Variants in RUSC2 observed in about 807,000 individuals in gnomAD.
RUSC2 encodes the protein RUN and SH3 domain containing 2.
Under a neutral mutation model 122.2 loss-of-function variants are expected in RUSC2, and 34 were observed. The observed-to-expected ratio is 0.28, with a 90% CI of 0.21 to 0.37. RUSC2 has a LOEUF of 0.37. Ranked by LOEUF, RUSC2 falls within the 10% of genes least tolerant of loss-of-function variation. The probability of loss-of-function intolerance (pLI) is 1.00; values close to 1 mark genes in which losing one functional copy is unlikely to be tolerated. For missense variants in RUSC2, 1,747 were observed against 1,952.4 expected, an observed-to-expected ratio of 0.89 and a Z score of 1.98; for synonymous variants, 784 against 790.0, an observed-to-expected ratio of 0.99 and a Z score of 0.13.
chr9:35,494,614 C>A (rs1471244546), intron 1 of RUSC2, among the ~76,000 whole-genome samples: 1 of 151,834 alleles, frequency 6.6e-6, no homozygotes, highest in African/African-American at 2.4e-5. Flanking sequence ...AATGCCTATT[C>A]AAGTCCTTTG....
Position 35,509,586 on chromosome 9 carries a change from C to T in RUSC2, c.-93+19414C>T, listed in dbSNP as rs149957774. Reference sequence around the variant, plus strand: ...CTTACAGGGGGACAAAGAACAAAGCCGTGAAGAAAAGTTAAAGAATTTGAG... The same window carrying T: ...CTTACAGGGGGACAAAGAACAAAGCTGTGAAGAAAAGTTAAAGAATTTGAG... On this transcript the variant is annotated intron_variant, in intron 1 of 11. Transcript: ENST00000361226. Among the ~76,000 whole-genome samples the T allele has an allele frequency of 1.7e-3, 256 of 152,090 alleles. 2 individuals are homozygous for T. In the East Asian group the frequency reaches 0.02, roughly 12 times the overall value.
chr9:35,548,383 T>G lies in RUSC2; in HGVS notation c.1862T>G (p.Val621Gly). Residue 621 changes from valine to glycine, a missense_variant, in exon 2 of 12, where the codon GTC becomes GGC. Val to Gly is a moderately radical substitution (Grantham distance 109). Transcript: ENST00000361226. The surrounding 1 kb of genome is among the most constrained non-coding windows in gnomAD (Gnocchi z 4.5). The part of the protein sequence containing the change: ...PDPSPPWSTQ[V>G]CQGPHSSEMP... ...CCAAGTCCACCCTGGTCCACCCAGG[T>G]CTGTCAGGGACCCCACTCCAGTGAG... 1 of 1,613,980 alleles carries G rather than the reference T, an allele frequency of 6.2e-7. No individual in the cohort carries two copies. The highest frequency in any genetic ancestry group is 8.5e-7 in the Non-Finnish European group (1 of 1,180,000).
At chr9:35,524,630 T>C (rs2132521697) in intron 1 of RUSC2, among the ~76,000 whole-genome samples, 1 of 152,316 alleles carries the variant, frequency 6.6e-6, no homozygotes, top group Non-Finnish European at 1.5e-5. Flanking sequence ...TCCTATTTTA[T>C]GTTTTTGTTG....
chr9:35,539,556 C>T (rs1199898795), intron 1 of RUSC2, among the ~76,000 whole-genome samples: 1 of 123,810 alleles, frequency 8.1e-6, no homozygotes, highest in East Asian at 2.1e-4. Flanking sequence ...TCTCCACACA[C>T]ACACATACAT....
chr9:35,549,699 CCACAAAGG>C (rs1173568759), intron 2 of RUSC2, among the ~76,000 whole-genome samples: 4 of 152,198 alleles, frequency 2.6e-5, no homozygotes, highest in Non-Finnish European at 5.9e-5. Flanking sequence ...CTGTACAAAA[CCACAAAGG>C]CACAGAATAG....
intron 2 of RUSC2, among the ~76,000 whole-genome samples, chr9:35,554,360 G>A (rs1334108279): frequency 1.3e-5 from 2 of 152,216 alleles, no homozygotes; most frequent in African/African-American, 4.8e-5. Flanking sequence ...TGCCAGGATC[G>A]TGAAAAGAGT....
At chr9:35,517,620 CT>C (rs1821132779) in intron 1 of RUSC2, among the ~76,000 whole-genome samples, 2 of 152,068 alleles carry the variant, frequency 1.3e-5, no homozygotes, top group South Asian at 4.1e-4. Flanking sequence ...AAATTAATAC[CT>C]TATGTCTAGG....
At position 35,556,092 on chromosome 9, in the gene RUSC2, C is replaced by T. The variant is rs367982196; in HGVS notation, c.2797C>T (p.Pro933Ser). ...CCGAAGAAACCCTATCTTTGAGTTC[C>T]CTGGCTCCCTCAGTGCTGCCAGCCA... Reference protein sequence around the residue: ...LARRNPIFEFPGSLSAASHLN... With the variant: ...LARRNPIFEFSGSLSAASHLN... Residue 933 changes from proline (P) to serine (S), a missense_variant, in exon 4 of 12, where the codon CCT (proline) becomes TCT (serine). By Grantham distance (74) the Pro-to-Ser change is moderately conservative. Transcript: ENST00000361226. 24 of 1,614,076 alleles carry T rather than the reference C, an allele frequency of 1.5e-5. No individual in the cohort carries two copies. The African/African-American group carries it at 2.7e-4, about 18-fold the overall frequency.
chr9:35,524,925 C>T (rs1222712948), intron 1 of RUSC2, among the ~76,000 whole-genome samples: 5 of 150,968 alleles, frequency 3.3e-5, no homozygotes, highest in East Asian at 3.9e-4. Context: ...AAGCCAAGAT[C>T]GCACCACTGC....
chr9:35,556,060 G>A lies in RUSC2; in HGVS notation c.2765G>A (p.Arg922Gln), dbSNP rs151110523. ...GSLDRRSQEA[R>Q]LARRNPIFEF... ...CTAGACCGAAGATCACAAGAAGCTC[G>A]GCTGGCCCGAAGAAACCCTATCTTT... Residue 922 changes from arginine to glutamine, a missense_variant, in exon 4 of 12, where the codon CGG becomes CAG. Transcript: ENST00000361226. The A allele has an allele frequency of 6.8e-6, 11 of 1,614,054 alleles. No individual in the cohort carries two copies. Among genetic ancestry groups the A allele is most frequent in the East Asian group, 4.5e-5 (2 of 44,890 alleles).
chr9:35,546,455 G>A lies in RUSC2; in HGVS notation c.-67G>A. 8.3e-7 allele frequency: 1 copy of A among 1,207,296 alleles called. No individual in the cohort carries two copies. The highest frequency in any genetic ancestry group is 1.1e-6 in the Non-Finnish European group (1 of 926,904). 74.8% of individuals were successfully genotyped at this position (1,207,296 alleles called of 1,614,324 possible). On this transcript the variant is annotated 5_prime_UTR_variant, in exon 2 of 12. Transcript: ENST00000361226. The surrounding 1 kb of genome is among the most constrained non-coding windows in gnomAD (Gnocchi z 4.3). ...GTGCCAAGCTCTCCTGATGAAATGT[G>A]TTCTGCCCCACTGGGCTCCAGGGAC... is the stretch of plus-strand genomic sequence containing the variant.
At chr9:35,527,430 G>T (rs1357052522) in intron 1 of RUSC2, among the ~76,000 whole-genome samples, 1 of 152,036 alleles carries the variant, frequency 6.6e-6, no homozygotes, top group Non-Finnish European at 1.5e-5. Context: ...CTCCCAAAGT[G>T]CTGGGATTAC....
chr9:35,533,196 G>A (rs34144036), intron 1 of RUSC2, among the ~76,000 whole-genome samples: 3,491 of 151,216 alleles, frequency 0.023, 67 homozygotes, highest in Admixed American at 0.044. Context: ...GCAGTGAGCC[G>A]AGATCGTGCC....
At chr9:35,499,453 G>T (rs560430714) in intron 1 of RUSC2, among the ~76,000 whole-genome samples, 1 of 152,232 alleles carries the variant, frequency 6.6e-6, no homozygotes, top group African/African-American at 2.4e-5. Flanking sequence ...TTTAATAAAA[G>T]TCTTTTATCT....
chr9:35,508,489 C>T (rs1820956815), intron 1 of RUSC2, among the ~76,000 whole-genome samples: 1 of 152,200 alleles, frequency 6.6e-6, no homozygotes. Flanking sequence ...ACTAACCTGG[C>T]AGTCACTGTG....
At chr9:35,539,701 G>A (rs1821605198) in intron 1 of RUSC2, among the ~76,000 whole-genome samples, 1 of 152,112 alleles carries the variant, frequency 6.6e-6, no homozygotes, top group Admixed American at 6.5e-5. Flanking sequence ...GCCCCACAGT[G>A]TCTGGCAGGG....
rs766265485 is a variant in RUSC2, at chr9:35,555,582, A to T, written c.2537A>T (p.Tyr846Phe). 3.1e-6 allele frequency: 5 copies of T among 1,613,880 alleles called. No homozygotes were observed. Among genetic ancestry groups the T allele is most frequent in the Non-Finnish European group, 4.2e-6 (5 of 1,180,034 alleles). Reference sequence around the variant, plus strand: ...CAGAAGATACTGACCTTGACTGAGTACCGGCTCCATGGAACAGGAAGCTTG... The same window carrying T: ...CAGAAGATACTGACCTTGACTGAGTTCCGGCTCCATGGAACAGGAAGCTTG... The part of the protein sequence containing the change: ...EDQKILTLTE[Y>F]RLHGTGSLPP... The change falls in exon 3 of 12, where the codon TAC becomes TTC. Residue 846 changes from tyrosine (Y) to phenylalanine (F), a missense_variant. Tyr to Phe is a conservative substitution (Grantham distance 22). Transcript: ENST00000361226. The surrounding 1 kb of genome is among the most constrained non-coding windows in gnomAD (Gnocchi z 4.6).
Position 35,555,846 on chromosome 9 carries a change from CCA to C in RUSC2, c.2657-103_2657-102del, listed in dbSNP as rs1262885765. 6.8e-6 allele frequency: 10 copies of C among 1,476,186 alleles called. No individual in the cohort carries two copies. In the African/African-American group the frequency reaches 1.3e-4, roughly 19 times the overall value. The allele number at this position is 1,476,186 out of a possible 1,614,324, so 91.4% of individuals were successfully genotyped here. On this transcript the variant is annotated intron_variant, in intron 3 of 11. Coordinates refer to ENST00000361226, the MANE Select transcript of RUSC2 (RefSeq NM_014806.5). The surrounding 1 kb of genome is among the most constrained non-coding windows in gnomAD (Gnocchi z 4.6). ...CTCCCTCAGCATCTGTAGATAATATCCACAGATAATCTAGTGTTTCATATGGG... is the reference window on the plus strand; with the variant it reads ...CTCCCTCAGCATCTGTAGATAATATCCAGATAATCTAGTGTTTCATATGGG...
At chr9:35,531,174 TGG>T (rs1821411979) in intron 1 of RUSC2, among the ~76,000 whole-genome samples, 2 of 152,044 alleles carry the variant, frequency 1.3e-5, no homozygotes, top group Non-Finnish European at 2.9e-5. Context: ...GGCAGGAGAA[TGG>T]CATGAACCTG....
Sources: allele counts gnomAD v4.1 joint callset (sites outside exome capture counted in the v4.1 genomes callset), GRCh38; gene constraint gnomAD v4.1.1; non-coding constraint Gnocchi (gnomAD v3.1); transcripts MANE v1.5; gene names NCBI Gene and HGNC (gene_info 2026-07-23, HGNC 2026-07-21).